The following CDH8 variants were observed in gnomAD, a reference collection of about 807,000 sequenced individuals.
CDH8 encodes the protein cadherin 8.
CDH8 carries 17 observed loss-of-function variants against 68.1 expected under a neutral mutation model. The ratio of observed to expected loss-of-function variants is 0.25; its 90% confidence interval spans 0.17 to 0.37. The LOEUF is 0.37. CDH8 is among the 10% of genes least tolerant of loss of function. CDH8 has a pLI of 1.00. For missense variants in CDH8, 763 were observed against 999.3 expected (o/e 0.76, Z 3.19); for synonymous variants, 372 against 365.1 (o/e 1.02, Z -0.21).
At chr16:61,841,084 T>C (rs576155188) in intron 4 of CDH8, among the ~76,000 whole-genome samples, 1 of 152,324 alleles carries the variant, frequency 6.6e-6, no homozygotes, top group African/African-American at 2.4e-5. Context: ...GTATATCTAC[T>C]ACACTTTCTT....
intron 2 of CDH8, among the ~76,000 whole-genome samples, chr16:61,964,337 C>A (rs371571721): frequency 6.6e-6 from 1 of 152,126 alleles, no homozygotes; most frequent in African/African-American, 2.4e-5. Context: ...CAGGTGGGAA[C>A]CGCCCAGGAC....
At chr16:61,703,178 C>A (rs888738525) in intron 10 of CDH8, among the ~76,000 whole-genome samples, 1 of 151,932 alleles carries the variant, frequency 6.6e-6, no homozygotes, top group Non-Finnish European at 1.5e-5. Flanking sequence ...TGGAATGTAA[C>A]GTTAGCTAGA....
In CDH8 at chr16:61,672,197, A is replaced by G. The variant is rs529458943; in HGVS notation, c.1655-16476T>C. On this transcript the variant is annotated intron_variant, in intron 10 of 11. Coordinates refer to ENST00000577390, the MANE Select transcript of CDH8 (RefSeq NM_001796.5). ...AGTGATATAAAGATGTCCACCATCA[A>G]ATTCTTCACACTTTAGAATCAGAAG... 3.3e-5 allele frequency among the ~76,000 whole-genome samples: 5 copies of G among 152,202 alleles called. No homozygotes were observed. The South Asian group carries it at 1.0e-3, about 32-fold the overall frequency.
intron 3 of CDH8, among the ~76,000 whole-genome samples, chr16:61,875,556 T>C (rs1963443721): frequency 6.6e-6 from 1 of 152,168 alleles, no homozygotes; most frequent in African/African-American, 2.4e-5. Context: ...ATATAATGTG[T>C]TATATAACGC....
intron 10 of CDH8, among the ~76,000 whole-genome samples, chr16:61,709,574 G>T (rs1964591005): frequency 6.6e-6 from 1 of 152,060 alleles, no homozygotes; most frequent in Non-Finnish European, 1.5e-5. Context: ...CTATGTAAAT[G>T]GTTCCCACAG....
At chr16:61,845,177 T>C (rs2143009748) in intron 4 of CDH8, among the ~76,000 whole-genome samples, 1 of 152,192 alleles carries the variant, frequency 6.6e-6, no homozygotes, top group African/African-American at 2.4e-5. Flanking sequence ...GTGTCTAGGG[T>C]TGCTAATTTA....
At chr16:61,750,055 C>T (rs996889234) in intron 8 of CDH8, among the ~76,000 whole-genome samples, 2 of 151,936 alleles carry the variant, frequency 1.3e-5, no homozygotes, top group Admixed American at 1.3e-4. Flanking sequence ...ACCCTTTGTC[C>T]CCCTGTCTCC....
chr16:61,682,007 A>C (rs959601938), intron 10 of CDH8, among the ~76,000 whole-genome samples: 2 of 151,914 alleles, frequency 1.3e-5, no homozygotes, highest in African/African-American at 4.8e-5. Context: ...CAGAAGGATA[A>C]GCCCCTGAGA....
At chr16:61,804,096 A>T (rs1961735657) in intron 7 of CDH8, among the ~76,000 whole-genome samples, 1 of 137,426 alleles carries the variant, frequency 7.3e-6, no homozygotes, top group Non-Finnish European at 1.5e-5. Flanking sequence ...AATGTAAAAG[A>T]ACAGAAATTA....
At chr16:61,736,624 G>A (rs185600199) in intron 8 of CDH8, among the ~76,000 whole-genome samples, 1 of 151,980 alleles carries the variant, frequency 6.6e-6, no homozygotes, top group African/African-American at 2.4e-5. Context: ...TATCTTTATC[G>A]ATATTATATG....
intron 10 of CDH8, among the ~76,000 whole-genome samples, chr16:61,662,829 A>G (rs2142759242): frequency 6.6e-6 from 1 of 152,046 alleles, no homozygotes; most frequent in East Asian, 1.9e-4. Context: ...TTTGATATCC[A>G]CAGGAACCAA....
intron 2 of CDH8, among the ~76,000 whole-genome samples, chr16:61,906,265 AG>A (rs1964060158): frequency 6.6e-6 from 1 of 152,190 alleles, no homozygotes; most frequent in African/African-American, 2.4e-5. Context: ...GCAAAGAGAA[AG>A]GGGAGGTCAG....
intron 2 of CDH8, among the ~76,000 whole-genome samples, chr16:61,958,072 G>T (rs888136446): frequency 2.0e-5 from 3 of 151,072 alleles, no homozygotes; most frequent in Admixed American, 6.6e-5. Context: ...GGAAATAAAA[G>T]AGTTTTTGCC....
intron 3 of CDH8, among the ~76,000 whole-genome samples, chr16:61,900,950 G>A (rs1378003218): frequency 6.6e-6 from 1 of 152,170 alleles, no homozygotes; most frequent in East Asian, 1.9e-4. Context: ...TTGAAGTATT[G>A]TCATGTAAGG....
intron 3 of CDH8, among the ~76,000 whole-genome samples, chr16:61,875,945 C>T (rs888031419): frequency 3.9e-5 from 6 of 152,142 alleles, no homozygotes; most frequent in South Asian, 2.1e-4. Flanking sequence ...GGTGCCATCT[C>T]GGCTCACTGC....
rs896713924 is a variant in CDH8, at chr16:61,855,759, T to C, written c.667+1360A>G. 7.2e-5 allele frequency among the ~76,000 whole-genome samples: 11 copies of C among 152,048 alleles called. No individual in the cohort carries two copies. The South Asian group carries it at 2.3e-3, about 32-fold the overall frequency. On this transcript the variant is annotated intron_variant, in intron 4 of 11. Coordinates refer to ENST00000577390, the MANE Select transcript of CDH8 (RefSeq NM_001796.5). The stretch of plus-strand genomic sequence containing the variant: ...AACAAATTTGACATTAGTATCGAAA[T>C]AAAAAACCAGGGTGTGAGTCCCACC...
At chr16:61,718,921 AG>A in intron 9 of CDH8, among the ~76,000 whole-genome samples, 1 of 151,268 alleles carries the variant, frequency 6.6e-6, no homozygotes, top group Non-Finnish European at 1.5e-5. Context: ...ATTAATTGAA[AG>A]GGGGGAATAT....
intron 10 of CDH8, among the ~76,000 whole-genome samples, chr16:61,697,229 T>C (rs1964343890): frequency 6.6e-6 from 1 of 152,142 alleles, no homozygotes; most frequent in Non-Finnish European, 1.5e-5. Flanking sequence ...TATTATCTTG[T>C]CAATGGGCAT....
chr16:61,840,679 C>A (rs1962665156), intron 4 of CDH8, among the ~76,000 whole-genome samples: 1 of 152,056 alleles, frequency 6.6e-6, no homozygotes. Context: ...AACAGAAAAC[C>A]AAACACTGCA....
Sources: gnomAD v4.1 joint callset for allele counts (sites outside exome capture counted in the v4.1 genomes callset) on GRCh38, gnomAD v4.1.1 for gene constraint, MANE v1.5 for transcripts, NCBI Gene and HGNC (gene_info 2026-07-23, HGNC 2026-07-21) for gene names.